Variants in POTEI observed in about 807,000 individuals in gnomAD.
POTEI encodes POTE ankyrin domain family, member I.
In POTEI, 14 loss-of-function variants were observed where a neutral mutation model predicts 43.4. The ratio of observed to expected loss-of-function variants is 0.32; its 90% CI spans 0.21 to 0.50. The LOEUF is 0.50. POTEI is among the 20% of genes least tolerant of loss of function. The pLI is 0.98. For missense variants in POTEI, 235 were observed against 795.4 expected, an observed-to-expected ratio of 0.30 and a Z score of 8.47; for synonymous variants, 95 against 297.9, an observed-to-expected ratio of 0.32 and a Z score of 7.01.
intron 13 of POTEI, among the ~76,000 whole-genome samples, chr2:130,467,667 C>A (rs1208314318): frequency 6.6e-6 from 1 of 152,106 alleles, no homozygotes; most frequent in Non-Finnish European, 1.5e-5. Flanking sequence ...AAGAAATAAT[C>A]ATCAAACAAC....
Position 130,461,500 on chromosome 2 carries a change from T to C in POTEI, c.*1316A>G, listed in dbSNP as rs1161464837. The C allele has an allele frequency of 3.3e-5, 5 of 152,248 alleles. No individual in the cohort carries two copies. Among genetic ancestry groups the C allele is most frequent in the Admixed American group, 6.5e-5 (1 of 15,292 alleles). 9.4% of individuals were successfully genotyped at this position (152,248 alleles called of 1,614,324 possible). A position where few individuals can be genotyped will look rare whatever the true frequency, so the allele number is the denominator to read the frequency against. ...GTAGCGTGGCTGTGCTGTGCTGAGG[T>C]ACCTCTTCCACCCCTTGTCAGCTTG... On this transcript the variant is annotated 3_prime_UTR_variant, in exon 15 of 15. Coordinates refer to ENST00000451531, the MANE Select transcript of POTEI (RefSeq NM_001277406.2).
At chr2:130,484,304 A>T (rs1348101134) in intron 9 of POTEI, among the ~76,000 whole-genome samples, 1 of 146,748 alleles carries the variant, frequency 6.8e-6, no homozygotes, top group Non-Finnish European at 1.5e-5. Context: ...ATAGGTTTGA[A>T]GTTAGAGATG....
chr2:130,485,223 G>T (rs1448185411), intron 9 of POTEI, among the ~76,000 whole-genome samples: 2 of 151,322 alleles, frequency 1.3e-5, no homozygotes, highest in African/African-American at 4.9e-5. Context: ...AAGTCACGAG[G>T]GGCCGGGTGC....
intron 13 of POTEI, among the ~76,000 whole-genome samples, chr2:130,467,670 C>T (rs1273527208): frequency 6.6e-6 from 1 of 152,120 alleles, no homozygotes; most frequent in East Asian, 1.9e-4. Context: ...AAATAATCAT[C>T]AAACAACAAC....
At chr2:130,477,170 T>A (rs1237532364) in intron 10 of POTEI, among the ~76,000 whole-genome samples, 1 of 151,442 alleles carries the variant, frequency 6.6e-6, no homozygotes, top group African/African-American at 2.4e-5. Flanking sequence ...TTTTTTTTTT[T>A]TTATGAACCA....
At chr2:130,468,707 G>GC (rs1420972082) in intron 13 of POTEI, among the ~76,000 whole-genome samples, 1 of 151,098 alleles carries the variant, frequency 6.6e-6, no homozygotes, top group Non-Finnish European at 1.5e-5. Flanking sequence ...AACTATTGGG[G>GC]GGGGGGGTAT....
At chr2:130,477,371 C>T (rs1378262076) in intron 10 of POTEI, among the ~76,000 whole-genome samples, 2 of 147,432 alleles carry the variant, frequency 1.4e-5, no homozygotes, top group African/African-American at 2.5e-5. Context: ...AGGATGGTCT[C>T]GATCTCCTGA....
At chr2:130,483,539 CG>C (rs1573924270) in intron 9 of POTEI, among the ~76,000 whole-genome samples, 1 of 127,186 alleles carries the variant, frequency 7.9e-6, no homozygotes, top group South Asian at 2.9e-4. Flanking sequence ...AGAGCCAAAA[CG>C]ATTTTAAAAA....
At position 130,509,153 on chromosome 2, in the gene POTEI, C is replaced by G. The variant is rs1573942469; in HGVS notation, c.83G>C (p.Cys28Ser). 4.0e-6 allele frequency: 6 copies of G among 1,511,168 alleles called. No individual in the cohort carries two copies. In the East Asian group the frequency reaches 1.5e-4, roughly 38 times the overall value. The allele number at this position is 1,511,168 out of a possible 1,614,324, so 93.6% of individuals were successfully genotyped here. The change falls in exon 1 of 15, where the codon TGC becomes TCC. Residue 28 changes from cysteine to serine, a missense_variant. Cys to Ser is a moderately radical substitution (Grantham distance 112, BLOSUM62 -1). Coordinates refer to ENST00000451531, the MANE Select transcript of POTEI (RefSeq NM_001277406.2). ...FVLRSKMGKW[C>S]RHCFPCCRGS... is the part of the protein sequence containing the mutation. ...CCTGCAGCAGGGGAAGCAGTGGCGG[C>G]ACCACTTGCCCATCTTGCTCCTGAG...
At chr2:130,464,807 G>A (rs1204662137) in intron 14 of POTEI, among the ~76,000 whole-genome samples, 26 of 148,702 alleles carry the variant, frequency 1.7e-4, no homozygotes, top group Admixed American at 8.7e-4. Context: ...TTAAGATCGC[G>A]ATTCTTAAAA....
chr2:130,506,516 CT>C (rs1203057209), intron 1 of POTEI, among the ~76,000 whole-genome samples: 1 of 2,850 alleles, frequency 3.5e-4, no homozygotes, highest in African/African-American at 6.5e-4. Flanking sequence ...TTTTTTTTTT[CT>C]TTTTTTTTTG....
Position 130,508,915 on chromosome 2 carries a change from G to C in POTEI, c.321C>G (p.Pro107=), listed in dbSNP as rs1252984025. The stretch of plus-strand genomic sequence containing the variant: ...TGCTCTTGCCGCTCCCCCTGCAGCA[G>C]GGGAAGCAGTGGCAGCACCACTTGC... The part of the protein sequence containing the change: ...KMGKWCCHCF[P]CCRGSGKSNV... Residue 107 remains proline, a synonymous_variant, in exon 1 of 15, where the codon CCC becomes CCG. Coordinates refer to ENST00000451531, the MANE Select transcript of POTEI (RefSeq NM_001277406.2). 1 of 1,595,178 alleles carries C rather than the reference G, an allele frequency of 6.3e-7. No homozygotes were observed. The highest frequency in any genetic ancestry group is 1.7e-5 in the Admixed American group (1 of 58,452).
At chr2:130,476,923 T>C (rs1462692849) in intron 10 of POTEI, among the ~76,000 whole-genome samples, 1 of 116,002 alleles carries the variant, frequency 8.6e-6, no homozygotes, top group Non-Finnish European at 1.7e-5. Context: ...ATGTCAAAAA[T>C]TCCCTCACAA....
chr2:130,468,689 C>A (rs1266151801), intron 13 of POTEI, among the ~76,000 whole-genome samples: 1 of 136,878 alleles, frequency 7.3e-6, no homozygotes, highest in Non-Finnish European at 1.5e-5. Context: ...CATAGAAACA[C>A]AAAGCCAAAC....
chr2:130,507,422 A>ATGTG (rs1363891984), intron 1 of POTEI, among the ~76,000 whole-genome samples: 7 of 10,338 alleles, frequency 6.8e-4, no homozygotes, highest in South Asian at 0.024. Context: ...ATATGTATAT[A>ATGTG]TATATATATC....
chr2:130,474,897 A>G lies in POTEI; in HGVS notation c.1596+10T>C, dbSNP rs1683142212. 7 of 358,346 alleles carry G rather than the reference A, an allele frequency of 2.0e-5. No individual in the cohort carries two copies. Among genetic ancestry groups the G allele is most frequent in the Middle Eastern group, 1.7e-3 (2 of 1,188 alleles). The allele number at this position is 358,346 out of a possible 1,614,324, so 22.2% of individuals were successfully genotyped here. ...TAATTCAACACAAACATTTGAATATAAAGGTATACCTCTCTATCACCATCC... is the reference window on the plus strand; with the variant it reads ...TAATTCAACACAAACATTTGAATATGAAGGTATACCTCTCTATCACCATCC... On this transcript the variant is annotated intron_variant, in intron 12 of 14. Coordinates refer to ENST00000451531, the MANE Select transcript of POTEI (RefSeq NM_001277406.2).
chr2:130,502,261 C>A (rs1204821606), intron 3 of POTEI, among the ~76,000 whole-genome samples: 1 of 11,150 alleles, frequency 9.0e-5, no homozygotes, highest in Non-Finnish European at 2.9e-4. Context: ...CATATCCAGG[C>A]TTTATTAGAC....
At chr2:130,485,784 T>C (rs1422427751) in intron 9 of POTEI, among the ~76,000 whole-genome samples, 96 of 9,062 alleles carry the variant, frequency 0.011, 43 homozygotes, top group African/African-American at 0.011. Context: ...AAAATTGTGA[T>C]AATCTTGAGG....
chr2:130,483,627 C>G (rs1438004175), intron 9 of POTEI, among the ~76,000 whole-genome samples: 1 of 106,074 alleles, frequency 9.4e-6, no homozygotes. Context: ...CGGAGTCTTG[C>G]TCTGTCACCC....
Sources: gnomAD v4.1 joint callset for allele counts (sites outside exome capture counted in the v4.1 genomes callset) on GRCh38, gnomAD v4.1.1 for gene constraint, MANE v1.5 for transcripts, NCBI Gene and HGNC (gene_info 2026-07-23, HGNC 2026-07-21) for gene names.